The following ZNF254 variants were observed in gnomAD, a reference collection of about 807,000 sequenced individuals.
ZNF254 encodes zinc finger protein 254.
ZNF254 carries 10 observed loss-of-function variants against 12.4 expected under a neutral mutation model. The ratio of observed to expected loss-of-function variants is 0.80; its 90% confidence interval spans 0.50 to 1.36. The LOEUF is 1.36. Ranked by LOEUF, ZNF254 falls within the 40% of genes most tolerant of loss-of-function variation. ZNF254 has a pLI of 0.00. For missense variants in ZNF254, 996 were observed against 763.9 expected (o/e 1.30, Z -3.58); for synonymous variants, 305 against 253.4 (o/e 1.20, Z -1.93).
rs572076173 is a variant in ZNF254 at position 24,122,700 on chromosome 19, G to C, written c.254-3554G>C. Among the ~76,000 whole-genome samples, 16 of 147,098 alleles carry C rather than the reference G, an allele frequency of 1.1e-4. No homozygotes were observed. The East Asian group carries it at 2.7e-3, about 25-fold the overall frequency. On this transcript the variant is annotated intron_variant, in intron 3 of 3. Coordinates refer to ENST00000357002, the MANE Select transcript of ZNF254 (RefSeq NM_203282.4). ...CGTACAATATTTCCTGCTTTTTGAA[G>C]ACTGAGTGATATTTCAGAATTTTTA... is the stretch of plus-strand genomic sequence containing the variant.
chr19:24,042,510 A>T (rs1970215247), intron 1 of ZNF254, among the ~76,000 whole-genome samples: 1 of 152,130 alleles, frequency 6.6e-6, no homozygotes, highest in South Asian at 2.1e-4. Flanking sequence ...CACCGTGAAG[A>T]TCTGCAGCTT....
At chr19:24,095,806 A>T (rs1972636941) in intron 1 of ZNF254, among the ~76,000 whole-genome samples, 1 of 151,834 alleles carries the variant, frequency 6.6e-6, no homozygotes, top group African/African-American at 2.4e-5. Context: ...TCATAGATTT[A>T]ATTCCTGGAT....
At chr19:24,121,685 T>A (rs1326708692) in intron 3 of ZNF254, among the ~76,000 whole-genome samples, 1 of 151,860 alleles carries the variant, frequency 6.6e-6, no homozygotes, top group African/African-American at 2.4e-5. Context: ...AGCCTCCCAA[T>A]TAGCTGGGAT....
At chr19:24,102,389 GTTT>G (rs200269352) in intron 1 of ZNF254, among the ~76,000 whole-genome samples, 1 of 141,402 alleles carries the variant, frequency 7.1e-6, no homozygotes, top group Non-Finnish European at 1.5e-5. Flanking sequence ...TGAGATTTAA[GTTT>G]TTTTTTTTTC....
At chr19:24,120,170 T>C (rs1157044840) in intron 3 of ZNF254, among the ~76,000 whole-genome samples, 7 of 152,126 alleles carry the variant, frequency 4.6e-5, no homozygotes, top group African/African-American at 1.7e-4. Context: ...AACTGCCTTA[T>C]AAAGCCTTCT....
intron 2 of ZNF254, among the ~76,000 whole-genome samples, chr19:24,073,334 G>A (rs1231232460): frequency 1.3e-5 from 2 of 152,178 alleles, no homozygotes; most frequent in African/African-American, 4.8e-5. Flanking sequence ...ATAGGCAGGT[G>A]AAGAGTCTCT....
chr19:24,101,088 G>A (rs946637729), intron 1 of ZNF254, among the ~76,000 whole-genome samples: 4 of 152,170 alleles, frequency 2.6e-5, no homozygotes, highest in East Asian at 1.9e-4. Flanking sequence ...CAGGGGATCC[G>A]CCTGCCTTGG....
chr19:24,059,677 T>C (rs1373123993), intron 2 of ZNF254, among the ~76,000 whole-genome samples: 9 of 152,134 alleles, frequency 5.9e-5, no homozygotes, highest in Admixed American at 2.0e-4. Flanking sequence ...CTCTCCTGCA[T>C]GGGCTTTGCC....
chr19:24,107,045 A>G, intron 3 of ZNF254: 1 of 448,498 alleles, frequency 2.2e-6, no homozygotes, highest in African/African-American at 2.1e-5. Context: ...TTTCTGTTAT[A>G]TTGGGTTTTT....
chr19:24,038,468 G>A (rs902998261), intron 1 of ZNF254, among the ~76,000 whole-genome samples: 26 of 152,154 alleles, frequency 1.7e-4, no homozygotes, highest in Admixed American at 1.6e-3. Flanking sequence ...GCTTATAATG[G>A]CCTTCACATT....
At chr19:24,093,181 C>G (rs1972493612) in intron 1 of ZNF254, among the ~76,000 whole-genome samples, 1 of 151,806 alleles carries the variant, frequency 6.6e-6, no homozygotes, top group Non-Finnish European at 1.5e-5. Context: ...TTTATGAATT[C>G]TGGACATTAG....
chr19:24,054,147 C>T (rs1001114109), intron 2 of ZNF254, among the ~76,000 whole-genome samples: 7 of 152,154 alleles, frequency 4.6e-5, no homozygotes, highest in African/African-American at 7.2e-5. Context: ...TAGCTCAGCA[C>T]CCAGGTGATG....
At chr19:24,112,452 T>G (rs1213124004) in intron 3 of ZNF254, among the ~76,000 whole-genome samples, 1 of 148,508 alleles carries the variant, frequency 6.7e-6, no homozygotes, top group Non-Finnish European at 1.5e-5. Context: ...TGGTTCCATA[T>G]GAACTTTAAA....
At chr19:24,070,123 G>A (rs1412076163) in intron 2 of ZNF254, among the ~76,000 whole-genome samples, 1 of 152,144 alleles carries the variant, frequency 6.6e-6, no homozygotes, top group East Asian at 1.9e-4. Flanking sequence ...TAGTTCATAG[G>A]CAGATGAGGA....
chr19:24,087,028 G>A, upstream of ZNF254: 1 of 410,276 alleles, frequency 2.4e-6, no homozygotes, highest in South Asian at 2.3e-5. Flanking sequence ...AGCTTAGGCT[G>A]TCACTCTTTC....
In ZNF254 at chr19:24,126,762, T is replaced by G; in HGVS notation, c.762T>G (p.Thr254=). 6.2e-7 allele frequency: 1 copy of G among 1,613,360 alleles called. No homozygotes were observed. The highest frequency in any genetic ancestry group is 8.5e-7 in the Non-Finnish European group (1 of 1,179,758). Residue 254 remains threonine, a synonymous_variant, in exon 4 of 4, where the codon ACT becomes ACG. Transcript: ENST00000357002. ...CTCCTAAGCAACTCTCAACCCTTAC[T>G]ACACATGAAATAATTCATGCTGGAG... ...NKSPKQLSTL[T]THEIIHAGEK...
chr19:24,122,850 T>C (rs1384355615), intron 3 of ZNF254, among the ~76,000 whole-genome samples: 1 of 152,216 alleles, frequency 6.6e-6, no homozygotes, highest in Admixed American at 6.5e-5. Flanking sequence ...TGACCATGTA[T>C]GTGAAAGTTT....
intron 2 of ZNF254, among the ~76,000 whole-genome samples, chr19:24,069,240 A>T (rs1014028561): frequency 9.5e-5 from 14 of 147,764 alleles, no homozygotes; most frequent in Admixed American, 2.8e-4. Context: ...TCCTGACCTC[A>T]GGTGATCTGC....
In ZNF254 at chr19:24,092,450, G is replaced by A. The variant is rs559610312; in HGVS notation, c.30+5113G>A. ...GGCCTCCCAAAGTGCTGGGATTACAGGTGTGAGCCATCACGCTGGGCCAAG... is the reference window on the plus strand; with the variant it reads ...GGCCTCCCAAAGTGCTGGGATTACAAGTGTGAGCCATCACGCTGGGCCAAG... On this transcript the variant is annotated intron_variant, in intron 1 of 3. Transcript: ENST00000357002. 2.6e-5 allele frequency among the ~76,000 whole-genome samples: 4 copies of A among 152,242 alleles called. No homozygotes were observed. In the South Asian group the frequency reaches 8.3e-4, roughly 32 times the overall value.
Sources: gnomAD v4.1 joint callset for allele counts (sites outside exome capture counted in the v4.1 genomes callset) on GRCh38, gnomAD v4.1.1 for gene constraint, MANE v1.5 for transcripts, NCBI Gene and HGNC (gene_info 2026-07-23, HGNC 2026-07-21) for gene names.